Variants in FAM227B observed in about 807,000 individuals in gnomAD.
FAM227B encodes the protein protein FAM227B.
FAM227B carries 88 observed loss-of-function variants against 73.8 expected under a neutral mutation model. That is an observed-to-expected ratio of 1.19 (90% CI 1.00 to 1.42). The LOEUF (loss-of-function observed/expected upper bound fraction) is 1.42, where lower values mean the gene tolerates loss of function less well. Among genes scored for constraint, FAM227B ranks in the 40% most tolerant of loss-of-function variants. The pLI is 0.00. For synonymous variants in FAM227B, 210 were observed against 190.5 expected (o/e 1.10, Z -0.84); for missense variants, 632 against 590.9 (o/e 1.07, Z -0.72).
At chr15:49,563,746 T>G (rs1468592827) in intron 9 of FAM227B, among the ~76,000 whole-genome samples, 1 of 152,110 alleles carries the variant, frequency 6.6e-6, no homozygotes, top group South Asian at 2.1e-4. Context: ...AGGAAAGGAC[T>G]CCCTATTCAA....
At chr15:49,591,045 A>ATCT (rs2076516752) in intron 3 of FAM227B, among the ~76,000 whole-genome samples, 2 of 72,564 alleles carry the variant, frequency 2.8e-5, no homozygotes, top group Non-Finnish European at 5.0e-5. Flanking sequence ...TTTTTTTTTG[A>ATCT]TTTTTTTTTT....
At chr15:49,477,631 T>C (rs907799307) in intron 11 of FAM227B, among the ~76,000 whole-genome samples, 1 of 152,240 alleles carries the variant, frequency 6.6e-6, no homozygotes, top group Non-Finnish European at 1.5e-5. Context: ...ATAAAGCTTC[T>C]ATAAATAGTC....
In FAM227B at chr15:49,612,026, G is replaced by GA. The variant is rs2077958600; in HGVS notation, c.52-759dup. On this transcript the variant is annotated intron_variant, in intron 2 of 15. Coordinates refer to ENST00000299338, the MANE Select transcript of FAM227B (RefSeq NM_152647.3). ...TAGAAACTATGGTGCAATCATGGCT[G>GA]AATTTTCTTTTTTTTTTTTTTTAAT... 3.4e-5 allele frequency among the ~76,000 whole-genome samples: 5 copies of GA among 147,198 alleles called. No individual in the cohort carries two copies. The South Asian group carries it at 8.7e-4, about 26-fold the overall frequency.
chr15:49,577,636 T>C lies in FAM227B; in HGVS notation c.434A>G (p.Asn145Ser). 1 of 1,564,190 alleles carries C rather than the reference T, an allele frequency of 6.4e-7. No homozygotes were observed. Among genetic ancestry groups the C allele is most frequent in the Non-Finnish European group, 8.7e-7 (1 of 1,145,002 alleles). ...MLSDEMETEK[N>S]IEGCSFTGFK... ...AACAGAAATTTTAAGTACCTCTATA[T>C]TCTTCTCTGTCTCCATTTCATCTGA... Residue 145 changes from asparagine (N) to serine (S), a missense_variant, in exon 6 of 16, where the codon AAT (asparagine) becomes AGT (serine). Transcript: ENST00000299338.
At chr15:49,355,524 A>G (rs1443044331) in intron 13 of FAM227B, among the ~76,000 whole-genome samples, 5 of 152,164 alleles carry the variant, frequency 3.3e-5, no homozygotes, top group Non-Finnish European at 1.5e-5. Flanking sequence ...ATGAAGCAAG[A>G]AGGGAAGTTT....
chr15:49,547,557 T>G (rs1189199773), intron 9 of FAM227B, among the ~76,000 whole-genome samples: 1 of 152,046 alleles, frequency 6.6e-6, no homozygotes, highest in South Asian at 2.1e-4. Context: ...GAGACACACA[T>G]AGGCTCAAAA....
chr15:49,527,825 C>T (rs1194231749), intron 10 of FAM227B, among the ~76,000 whole-genome samples: 1 of 151,648 alleles, frequency 6.6e-6, no homozygotes, highest in Non-Finnish European at 1.5e-5. Context: ...ACAAAGAGAA[C>T]TACATAACAC....
intron 13 of FAM227B, among the ~76,000 whole-genome samples, chr15:49,346,465 A>G (rs982915628): frequency 6.6e-6 from 1 of 152,120 alleles, no homozygotes; most frequent in Non-Finnish European, 1.5e-5. Context: ...CCTAAGCCTT[A>G]TTTTAGGGGA....
In FAM227B at chr15:49,328,398, A is replaced by C; in HGVS notation, c.*170T>G. 7.0e-7 allele frequency: 1 copy of C among 1,430,140 alleles called. No individual in the cohort carries two copies. Among genetic ancestry groups the C allele is most frequent in the South Asian group, 1.6e-5 (1 of 62,938 alleles). 88.6% of individuals were successfully genotyped at this position (1,430,140 alleles called of 1,614,324 possible). A position where few individuals can be genotyped will look rare whatever the true frequency, so the allele number is the denominator to read the frequency against. ...AGATCATGCTTGGACAGATCTTTTAAGAATAACTTACTGAGATTTATTGAT... is the reference window on the plus strand; with the variant it reads ...AGATCATGCTTGGACAGATCTTTTACGAATAACTTACTGAGATTTATTGAT... On this transcript the variant is annotated 3_prime_UTR_variant, in exon 16 of 16. Coordinates refer to ENST00000299338, the MANE Select transcript of FAM227B (RefSeq NM_152647.3).
Position 49,461,430 on chromosome 15 carries a change from AAG to A in FAM227B, c.1012+46779_1012+46780del, listed in dbSNP as rs202061190. ...CCTTGGCCATCATCCAAACTATAAA[AAG>A]AGGAGTGGCTTATCTGACATCATGT... On this transcript the variant is annotated intron_variant, in intron 11 of 15. Coordinates refer to ENST00000299338, the MANE Select transcript of FAM227B (RefSeq NM_152647.3). Among the ~76,000 whole-genome samples the A allele has an allele frequency of 8.8e-4, 134 of 152,322 alleles. 1 individual carries two copies. In the East Asian group the frequency reaches 0.025, roughly 28 times the overall value.
At chr15:49,550,887 G>A (rs1315278750) in intron 9 of FAM227B, among the ~76,000 whole-genome samples, 24 of 152,168 alleles carry the variant, frequency 1.6e-4, no homozygotes, top group Admixed American at 7.2e-4. Context: ...GGTGGCGGCC[G>A]GGCAGAGGCT....
rs375231055 is a variant in FAM227B at position 49,502,253 on chromosome 15, C to T, written c.1012+5958G>A. ...GGCCACTGCCCTCCAGACCCGAGAA[C>T]GGTAGATCTACTGGCAGCTTGCACC... On this transcript the variant is annotated intron_variant, in intron 11 of 15. Coordinates refer to ENST00000299338, the MANE Select transcript of FAM227B (RefSeq NM_152647.3). Among the ~76,000 whole-genome samples, 142 of 152,324 alleles carry T rather than the reference C, an allele frequency of 9.3e-4. 1 individual carries two copies. Among genetic ancestry groups the T allele is most frequent in the African/African-American group, 3.0e-3 (124 of 41,570 alleles).
chr15:49,403,274 G>T (rs1216849104), intron 11 of FAM227B, among the ~76,000 whole-genome samples: 1 of 152,174 alleles, frequency 6.6e-6, no homozygotes, highest in East Asian at 1.9e-4. Flanking sequence ...GATGATGCTG[G>T]CCTCACAGAA....
intron 10 of FAM227B, among the ~76,000 whole-genome samples, chr15:49,540,241 T>C (rs997465603): frequency 1.3e-5 from 2 of 152,138 alleles, no homozygotes; most frequent in Non-Finnish European, 2.9e-5. Context: ...GTTGAAGTCC[T>C]TAGTAGAAAA....
At chr15:49,526,486 A>T (rs1007040805) in intron 10 of FAM227B, among the ~76,000 whole-genome samples, 12 of 152,132 alleles carry the variant, frequency 7.9e-5, no homozygotes, top group Non-Finnish European at 1.5e-4. Flanking sequence ...ACCCCAAGGA[A>T]CTAGAAAAAC....
At chr15:49,417,556 A>T (rs2049301377) in intron 11 of FAM227B, among the ~76,000 whole-genome samples, 1 of 152,144 alleles carries the variant, frequency 6.6e-6, no homozygotes, top group South Asian at 2.1e-4. Context: ...ATCTCACAAA[A>T]ACAAGCAATG....
Position 49,496,285 on chromosome 15 carries a change from G to T in FAM227B, c.1012+11926C>A, listed in dbSNP as rs1286554587. On this transcript the variant is annotated intron_variant, in intron 11 of 15. Coordinates refer to ENST00000299338, the MANE Select transcript of FAM227B (RefSeq NM_152647.3). ...TATAAGGATTTTTCTTATTGCTTGCGGTTTAAGCTACAGTTTATAAAAAGA... is the reference window on the plus strand; with the variant it reads ...TATAAGGATTTTTCTTATTGCTTGCTGTTTAAGCTACAGTTTATAAAAAGA... Among the ~76,000 whole-genome samples, 3 of 151,902 alleles carry T rather than the reference G, an allele frequency of 2.0e-5. 1 individual carries two copies. Among genetic ancestry groups the T allele is most frequent in the South Asian group, 4.1e-4 (2 of 4,822 alleles).
chr15:49,593,962 G>A (rs1457177647), intron 3 of FAM227B, among the ~76,000 whole-genome samples: 14 of 152,128 alleles, frequency 9.2e-5, no homozygotes, highest in African/African-American at 3.1e-4. Context: ...GGGATTACTG[G>A]ATCAAATGGT....
rs565470379 is a variant in FAM227B, at chr15:49,484,396, C to G, written c.1012+23815G>C. On this transcript the variant is annotated intron_variant, in intron 11 of 15. Transcript: ENST00000299338. ...ATGCATCAGCTAAATGGACACACAA[C>G]GGAGGGGAAATGTTTGTTGCCTTAA... 1.1e-5 allele frequency: 17 copies of G among 1,591,670 alleles called. No homozygotes were observed. In the South Asian group the frequency reaches 1.3e-4, roughly 12 times the overall value.
Sources: allele counts gnomAD v4.1 joint callset (sites outside exome capture counted in the v4.1 genomes callset), GRCh38; gene constraint gnomAD v4.1.1; transcripts MANE v1.5; gene names NCBI Gene and HGNC (gene_info 2026-07-23, HGNC 2026-07-21).